Variants in SDCCAG8 observed in about 807,000 individuals in gnomAD.
SDCCAG8 encodes the protein serologically defined colon cancer antigen 8.
Under a neutral mutation model 101.8 loss-of-function variants are expected in SDCCAG8, and 74 were observed. That is an observed-to-expected ratio of 0.73 (90% CI 0.60 to 0.88). The LOEUF (loss-of-function observed/expected upper bound fraction) is 0.88. Ranked by LOEUF, SDCCAG8 falls within the 40% of genes least tolerant of loss-of-function variation. The pLI is 0.00. For synonymous variants in SDCCAG8, 281 were observed against 292.9 expected (o/e 0.96, Z 0.41); for missense variants, 787 against 822.6 (o/e 0.96, Z 0.53).
intron 9 of SDCCAG8, among the ~76,000 whole-genome samples, chr1:243,321,939 A>AT (rs1359211687): frequency 6.6e-6 from 1 of 152,212 alleles, no homozygotes; most frequent in African/African-American, 2.4e-5. Flanking sequence ...GTGAGCCACC[A>AT]TGCCCGGCCT....
At chr1:243,275,408 A>G (rs1469573321) in intron 4 of SDCCAG8, among the ~76,000 whole-genome samples, 1 of 151,892 alleles carries the variant, frequency 6.6e-6, no homozygotes, top group Non-Finnish European at 1.5e-5. Context: ...ATATGATATT[A>G]TGTATTATAT....
At chr1:243,269,838 C>T (rs1194346586) in intron 1 of SDCCAG8, among the ~76,000 whole-genome samples, 1 of 152,056 alleles carries the variant, frequency 6.6e-6, no homozygotes, top group East Asian at 1.9e-4. Context: ...GTCATTTAAT[C>T]CTTGCCGGTG....
chr1:243,344,196 G>T lies in SDCCAG8; in HGVS notation c.1357-19G>T, dbSNP rs954480529. The T allele has an allele frequency of 6.2e-7, 1 of 1,603,098 alleles. No individual in the cohort carries two copies. Among genetic ancestry groups the T allele is most frequent in the Non-Finnish European group, 8.5e-7 (1 of 1,170,134 alleles). The stretch of plus-strand genomic sequence containing the variant: ...GTAGATTCCAGCAGGTAATCATCCA[G>T]TTTTTTACAATCTAACAGGTGTGTG... On this transcript the variant is annotated intron_variant, in intron 11 of 17. Coordinates refer to ENST00000366541, the MANE Select transcript of SDCCAG8 (RefSeq NM_006642.5).
chr1:243,344,140 C>G (rs2075554972), intron 11 of SDCCAG8, 75 bp from the exon 12 acceptor site: 1 of 1,156,548 alleles, frequency 8.6e-7, no homozygotes, highest in African/African-American at 1.5e-5. Flanking sequence ...CTCTAGGGGG[C>G]ACCAAAAGAT....
chr1:243,277,311 TGTCA>T (rs2068659436), intron 4 of SDCCAG8, among the ~76,000 whole-genome samples: 1 of 152,216 alleles, frequency 6.6e-6, no homozygotes, highest in Non-Finnish European at 1.5e-5. Context: ...CATTTGGTGT[TGTCA>T]GTGTTTTAGA....
intron 12 of SDCCAG8, among the ~76,000 whole-genome samples, chr1:243,348,876 C>T (rs1348203410): frequency 1.3e-5 from 2 of 151,332 alleles, no homozygotes; most frequent in Non-Finnish European, 2.9e-5. Context: ...ATCCCAGCTA[C>T]TCAGGAGGGT....
chr1:243,485,043 C>CAAA (rs59102358), intron 16 of SDCCAG8, among the ~76,000 whole-genome samples: 10 of 99,726 alleles, frequency 1.0e-4, no homozygotes, highest in East Asian at 6.2e-4. Context: ...GACTCCATCT[C>CAAA]AAAAAAAAAA....
chr1:243,269,118 G>A (rs2067874382), intron 1 of SDCCAG8: 2 of 152,232 alleles, frequency 1.3e-5, no homozygotes, highest in Non-Finnish European at 2.9e-5. Context: ...CTTACATAGC[G>A]GCTTAGGGCT....
chr1:243,444,583 G>C (rs575058778), intron 16 of SDCCAG8, among the ~76,000 whole-genome samples: 1 of 152,126 alleles, frequency 6.6e-6, no homozygotes, highest in African/African-American at 2.4e-5. Context: ...TGTTGCCCAG[G>C]CTGGTCTCAG....
chr1:243,482,528 T>A (rs1021148201), intron 16 of SDCCAG8, among the ~76,000 whole-genome samples: 2 of 152,150 alleles, frequency 1.3e-5, no homozygotes, highest in Non-Finnish European at 2.9e-5. Flanking sequence ...TCCCTCAGGG[T>A]CCCCAGTCCT....
Position 243,284,995 on chromosome 1 carries a change from A to C in SDCCAG8, c.421-1277A>C, listed in dbSNP as rs141031015. ...CCTCCCAGGTTCAAGCCATTCTCCT[A>C]CCTCAGCCTCCTGAGTAGCTGGGAC... On this transcript the variant is annotated intron_variant, in intron 4 of 17. Coordinates refer to ENST00000366541, the MANE Select transcript of SDCCAG8 (RefSeq NM_006642.5). 3.5e-3 allele frequency among the ~76,000 whole-genome samples: 535 copies of C among 151,718 alleles called. 3 individuals carry two copies. The highest frequency in any genetic ancestry group is 0.013 in the African/African-American group (523 of 41,360).
chr1:243,483,628 C>T (rs895095553), intron 16 of SDCCAG8, among the ~76,000 whole-genome samples: 3 of 152,182 alleles, frequency 2.0e-5, no homozygotes, highest in Non-Finnish European at 4.4e-5. Flanking sequence ...TCTTCCAGCC[C>T]CTGAAATCTG....
chr1:243,383,300 C>T (rs1251940220), intron 13 of SDCCAG8, among the ~76,000 whole-genome samples: 2 of 152,198 alleles, frequency 1.3e-5, no homozygotes, highest in African/African-American at 4.8e-5. Flanking sequence ...ATTATAGTAT[C>T]TTCTGTAGGC....
At chr1:243,294,500 AAAGAGC>A (rs2070626219) in intron 6 of SDCCAG8, among the ~76,000 whole-genome samples, 6 of 141,764 alleles carry the variant, frequency 4.2e-5, no homozygotes, top group East Asian at 2.1e-4. Flanking sequence ...AGAGAGAGAG[AAAGAGC>A]GAGAGAGAGA....
At chr1:243,295,381 G>T (rs773312026) in intron 6 of SDCCAG8, among the ~76,000 whole-genome samples, 54 of 152,188 alleles carry the variant, frequency 3.5e-4, no homozygotes, top group African/African-American at 1.2e-3. Context: ...GGGACTACAG[G>T]TGTGCGCCAC....
chr1:243,257,947 C>T (rs954798963), intron 1 of SDCCAG8, among the ~76,000 whole-genome samples: 1 of 152,142 alleles, frequency 6.6e-6, no homozygotes, highest in African/African-American at 2.4e-5. Context: ...ATATAATTGT[C>T]GGAGGCTGTT....
chr1:243,383,907 A>G (rs1452658236), intron 13 of SDCCAG8, among the ~76,000 whole-genome samples: 1 of 151,962 alleles, frequency 6.6e-6, no homozygotes, highest in Non-Finnish European at 1.5e-5. Flanking sequence ...TGTTCTCTAT[A>G]CCTAGAATAC....
At chr1:243,496,664 C>G (rs1325705438) in intron 17 of SDCCAG8, among the ~76,000 whole-genome samples, 1 of 152,192 alleles carries the variant, frequency 6.6e-6, no homozygotes, top group African/African-American at 2.4e-5. Flanking sequence ...CACCATCTCC[C>G]CGGGCTGCCA....
At chr1:243,333,901 A>G (rs2074807862) in intron 10 of SDCCAG8, among the ~76,000 whole-genome samples, 1 of 152,198 alleles carries the variant, frequency 6.6e-6, no homozygotes, top group South Asian at 2.1e-4. Context: ...TAGCAGTACT[A>G]TAGCTTGAAT....
Sources: allele counts gnomAD v4.1 joint callset (sites outside exome capture counted in the v4.1 genomes callset), GRCh38; gene constraint gnomAD v4.1.1; transcripts MANE v1.5; gene names NCBI Gene and HGNC (gene_info 2026-07-23, HGNC 2026-07-21).